Variants in ABCA4 observed in about 807,000 individuals in gnomAD.
ABCA4 encodes ATP binding cassette subfamily A member 4.
In ABCA4, 196 loss-of-function variants were observed where a neutral mutation model predicts 263.7. That is an observed-to-expected ratio of 0.74 (90% CI 0.66 to 0.84). The LOEUF is 0.84. Among genes scored for constraint, ABCA4 ranks in the 40% least tolerant of loss-of-function variants. The pLI, the probability that ABCA4 is intolerant of heterozygous loss-of-function variation, is 0.00. For missense variants in ABCA4, 2,792 were observed against 2,855.1 expected, an observed-to-expected ratio of 0.98 and a Z score of 0.50; for synonymous variants, 1,133 against 1,094.2, an observed-to-expected ratio of 1.04 and a Z score of -0.70.
chr1:94,096,949 G>A (rs1301640799), intron 6 of ABCA4, among the ~76,000 whole-genome samples: 1 of 152,200 alleles, frequency 6.6e-6, no homozygotes, highest in African/African-American at 2.4e-5. Flanking sequence ...GGACACCTGA[G>A]AGGGAGCCTC....
intron 26 of ABCA4, among the ~76,000 whole-genome samples, chr1:94,034,177 G>C (rs528834991): frequency 6.6e-6 from 1 of 152,208 alleles, no homozygotes; most frequent in East Asian, 1.9e-4. Context: ...ACATGAACCC[G>C]TGATCATTTA....
Position 94,001,838 on chromosome 1 carries a change from C to G in ABCA4, c.6282+20G>C, listed in dbSNP as rs754029461. 1 of 1,614,028 alleles carries G rather than the reference C, an allele frequency of 6.2e-7. No individual in the cohort carries two copies. The highest frequency in any genetic ancestry group is 2.2e-5 in the East Asian group (1 of 44,892). On this transcript the variant is annotated intron_variant, in intron 45 of 49. Coordinates refer to ENST00000370225, the MANE Select transcript of ABCA4 (RefSeq NM_000350.3). ...CAGCACTTGGTTTAAGCCCTTGGTG[C>G]GGCCCAAGCCCGCAGTTACCAGCAG... is the stretch of plus-strand genomic sequence containing the variant.
At chr1:94,083,686 A>G (rs933353874) in intron 6 of ABCA4, among the ~76,000 whole-genome samples, 2 of 152,208 alleles carry the variant, frequency 1.3e-5, no homozygotes, top group Non-Finnish European at 2.9e-5. Flanking sequence ...TAGTTATATT[A>G]AATACTATCA....
rs1480679938 is a variant in ABCA4 at position 94,005,321 on chromosome 1, T to C, written c.6147+120A>G. 9.0e-6 allele frequency: 12 copies of C among 1,329,314 alleles called. No homozygotes were observed. In the Admixed American group the frequency reaches 1.0e-4, roughly 11 times the overall value. 82.3% of individuals were successfully genotyped at this position (1,329,314 alleles called of 1,614,324 possible). ...CACACAGTAGACACATAGTAAACAT[T>C]TGTTGGAATGAATGAATGAATAGCA... On this transcript the variant is annotated intron_variant, in intron 44 of 49. Transcript: ENST00000370225.
chr1:94,111,386 G>A (rs1364899834), intron 3 of ABCA4, 52 bp downstream of exon 3: 14 of 1,603,538 alleles, frequency 8.7e-6, no homozygotes, highest in African/African-American at 8.0e-5. Flanking sequence ...ATTTCAGCAC[G>A]TGAAGGGGTG....
At position 94,079,325 on chromosome 1, in the gene ABCA4, C is replaced by G; in HGVS notation, c.1236G>C (p.Lys412Asn). ...PDSPAARRILKNANSTFEELE... is the reference protein window; with the variant it reads ...PDSPAARRILNNANSTFEELE... ...GCAAGCCCAGCTGGGATCTTACATT[C>G]TTCAGTATCCTTCGTGCTGCAGGTG... The change falls in exon 9 of 50, where the codon AAG (lysine) becomes AAC (asparagine). Residue 412 changes from lysine to asparagine, a missense_variant. By Grantham distance (94) the Lys-to-Asn change is moderately conservative. Transcript: ENST00000370225. The G allele has an allele frequency of 6.2e-7, 1 of 1,614,152 alleles. No homozygotes were observed. The highest frequency in any genetic ancestry group is 1.3e-5 in the African/African-American group (1 of 75,034).
rs281865407 is a variant in ABCA4, at chr1:93,996,137, C to T, written c.6788G>A (p.Arg2263Gln). 11 of 1,613,986 alleles carry T rather than the reference C, an allele frequency of 6.8e-6. No homozygotes were observed. The highest frequency in any genetic ancestry group is 4.5e-5 in the East Asian group (2 of 44,874). ...TESHDLPLHP[R>Q]AAGASRQAQD ...GGCTTGTCGACTGGCTCCAGCAGCT[C>T]GAGGGTGCAGAGGGAGGTCATGACT... The change falls in exon 49 of 50, where the codon CGA (arginine) becomes CAA (glutamine). Residue 2263 changes from arginine (R) to glutamine (Q), a missense_variant. By Grantham distance (43) the Arg-to-Gln change is conservative (BLOSUM62 1). Coordinates refer to ENST00000370225, the MANE Select transcript of ABCA4 (RefSeq NM_000350.3).
intron 38 of ABCA4, among the ~76,000 whole-genome samples, chr1:94,013,711 G>A (rs531383415): frequency 6.6e-6 from 1 of 152,294 alleles, no homozygotes; most frequent in South Asian, 2.1e-4. Flanking sequence ...GAGGTCAGGT[G>A]GAAGGGACAA....
chr1:94,006,958 C>T (rs1216539225), intron 43 of ABCA4, among the ~76,000 whole-genome samples: 1 of 152,266 alleles, frequency 6.6e-6, no homozygotes, highest in Non-Finnish European at 1.5e-5. Context: ...CCTCTCTGTC[C>T]TGCCCATAGG....
At chr1:94,089,468 C>CTT (rs1382440861) in intron 6 of ABCA4, among the ~76,000 whole-genome samples, 2 of 139,654 alleles carry the variant, frequency 1.4e-5, no homozygotes, top group East Asian at 4.2e-4. Context: ...TCTTTCTTTT[C>CTT]TATTTTTTTT....
chr1:94,031,709 C>G (rs1660207997), intron 27 of ABCA4, 69 bp downstream of exon 27: 1 of 1,596,120 alleles, frequency 6.3e-7, no homozygotes, highest in African/African-American at 1.3e-5. Flanking sequence ...TGAAGGAACA[C>G]TCAGGAGAGG....
chr1:94,112,887 C>T, intron 2 of ABCA4, 86 bp downstream of exon 2: 3 of 970,242 alleles, frequency 3.1e-6, no homozygotes, highest in Non-Finnish European at 5.1e-6. Flanking sequence ...ATCTGATCCC[C>T]ACACTCCCAC....
chr1:94,005,997 G>A (rs1557761500), intron 43 of ABCA4, among the ~76,000 whole-genome samples: 2 of 152,124 alleles, frequency 1.3e-5, no homozygotes, highest in Non-Finnish European at 2.9e-5. Flanking sequence ...GTATTTATTG[G>A]CAAAGATAGC....
At chr1:94,005,670 G>T in intron 43 of ABCA4, 88 bp from the exon 44 acceptor site, 1 of 1,351,048 alleles carries the variant, frequency 7.4e-7, no homozygotes, top group Non-Finnish European at 1.0e-6. Context: ...CTGCCAACGG[G>T]AAAAGGAAGC....
At chr1:94,007,188 C>G (rs1212886768) in intron 43 of ABCA4, among the ~76,000 whole-genome samples, 2 of 152,314 alleles carry the variant, frequency 1.3e-5, no homozygotes, top group Non-Finnish European at 2.9e-5. Flanking sequence ...CACAGGGGTT[C>G]TTAACCTGGG....
rs374152623 is a variant in ABCA4 at position 94,060,571 on chromosome 1, G to A, written c.2126C>T (p.Ser709Leu). The A allele has an allele frequency of 6.8e-6, 11 of 1,614,010 alleles. No homozygotes were observed. Among genetic ancestry groups the A allele is most frequent in the African/African-American group, 6.7e-5 (5 of 74,902 alleles). The part of the protein sequence containing the change: ...TWFLDSFSIM[S>L]MSIFLLTIFI... ...TATCGTCAGGAGGAAGATGCTCATC[G>A]ACATGATGGAGAAGCTGTCCAGGAA... The change falls in exon 14 of 50, where the codon TCG becomes TTG. Residue 709 changes from serine to leucine, a missense_variant. By Grantham distance (145) the Ser-to-Leu change is moderately radical (BLOSUM62 -2). Coordinates refer to ENST00000370225, the MANE Select transcript of ABCA4 (RefSeq NM_000350.3).
At chr1:94,082,438 G>A (rs1224234566) in intron 7 of ABCA4, among the ~76,000 whole-genome samples, 1 of 152,146 alleles carries the variant, frequency 6.6e-6, no homozygotes, top group Non-Finnish European at 1.5e-5. Context: ...CCTTATTGTA[G>A]TGATATAAAT....
At chr1:93,993,356 G>T in intron 49 of ABCA4, 114 bp from the exon 50 acceptor site, 1 of 1,351,892 alleles carries the variant, frequency 7.4e-7, no homozygotes, top group East Asian at 2.3e-5. Flanking sequence ...GCACTCAGCT[G>T]AGGGCACTGT....
chr1:94,086,025 T>C (rs1386760426), intron 6 of ABCA4, among the ~76,000 whole-genome samples: 3 of 152,226 alleles, frequency 2.0e-5, no homozygotes, highest in Admixed American at 6.5e-5. Flanking sequence ...TGGTAATTAT[T>C]CTGGTGTTTA....
Sources: gnomAD v4.1 joint callset for allele counts (sites outside exome capture counted in the v4.1 genomes callset) on GRCh38, gnomAD v4.1.1 for gene constraint, MANE v1.5 for transcripts, NCBI Gene and HGNC (gene_info 2026-07-23, HGNC 2026-07-21) for gene names.